CDC42EP5: variants seen among roughly 807,000 people sequenced by gnomAD.
CDC42EP5 encodes CDC42 effector protein 5.
For synonymous variants in CDC42EP5, 118 were observed against 123.3 expected, an observed-to-expected ratio of 0.96 and a Z score of 0.28; for missense variants, 269 against 238.0, an observed-to-expected ratio of 1.13 and a Z score of -0.86.
chr19:54,468,920 C>CTTCCTTCCTTCCTTCCTTCCTTCTTTCT (rs753994637), intron 2 of CDC42EP5, among the ~76,000 whole-genome samples: 35 of 124,010 alleles, frequency 2.8e-4, no homozygotes, highest in Admixed American at 1.4e-3. Context: ...TCCTTCCTTC[C>CTTCCTTCCTTCCTTCCTTCCTTCTTTCT]TTCTTTCTTT....
intron 1 of CDC42EP5, 97 bp from the exon 2 acceptor site, chr19:54,471,782 G>A (rs563586842): frequency 1.3e-4 from 21 of 160,434 alleles, no homozygotes; most frequent in South Asian, 5.3e-4. Context: ...CAGGTCCTAG[G>A]CGTCCTAGAT....
chr19:54,468,717 ATTT>A (rs34177319), intron 2 of CDC42EP5, among the ~76,000 whole-genome samples: 8 of 138,054 alleles, frequency 5.8e-5, no homozygotes, highest in African/African-American at 5.3e-5. Context: ...TTATTTTTGT[ATTT>A]TTTTTTTTTT....
At chr19:54,466,625 C>T (rs2084758615) in intron 2 of CDC42EP5, among the ~76,000 whole-genome samples, 1 of 152,114 alleles carries the variant, frequency 6.6e-6, no homozygotes, top group Non-Finnish European at 1.5e-5. Flanking sequence ...AATTACAGTC[C>T]TTGGTATCTG....
At chr19:54,466,363 G>A (rs1600049002) in intron 2 of CDC42EP5, among the ~76,000 whole-genome samples, 1 of 152,144 alleles carries the variant, frequency 6.6e-6, no homozygotes, top group Admixed American at 6.5e-5. Context: ...CCCCGGAGGC[G>A]GAGGTTGCAG....
At chr19:54,468,552 T>C (rs969544170) in intron 2 of CDC42EP5, among the ~76,000 whole-genome samples, 9 of 152,102 alleles carry the variant, frequency 5.9e-5, no homozygotes, top group African/African-American at 2.2e-4. Context: ...AAACAAGATT[T>C]GTCTTGTTTT....
At chr19:54,469,698 C>A (rs1039353466) in intron 2 of CDC42EP5, among the ~76,000 whole-genome samples, 1 of 152,212 alleles carries the variant, frequency 6.6e-6, no homozygotes, top group African/African-American at 2.4e-5. Flanking sequence ...AGTCACACCT[C>A]GGATCATTCT....
intron 2 of CDC42EP5, among the ~76,000 whole-genome samples, chr19:54,468,928 TTTC>T (rs1374515150): frequency 3.8e-4 from 14 of 36,816 alleles, no homozygotes; most frequent in African/African-American, 1.1e-3. Context: ...TCCTTCTTTC[TTTC>T]TTTTCTTCCC....
intron 2 of CDC42EP5, among the ~76,000 whole-genome samples, chr19:54,468,992 CTTCT>C (rs775478912): frequency 3.5e-4 from 51 of 144,178 alleles, no homozygotes; most frequent in Middle Eastern, 3.6e-3. Context: ...TCCTTCCTTC[CTTCT>C]TTCTTTCTTT....
chr19:54,471,686 C>T lies in CDC42EP5; in HGVS notation c.-141-1G>A, dbSNP rs2084838808. 6.6e-6 allele frequency: 1 copy of T among 152,644 alleles called. No individual in the cohort carries two copies. Among genetic ancestry groups the T allele is most frequent in the South Asian group, 2.1e-4 (1 of 4,846 alleles). The allele number at this position is 152,644 out of a possible 1,614,324, so 9.5% of individuals were successfully genotyped here. ...CTTCTTCCTCCGGGCGGGTTCTCAC[C>T]TGGTAAGGAAAGTGTCATGTGGAAC... is the stretch of plus-strand genomic sequence containing the variant. On this transcript the variant is annotated splice_acceptor_variant, in intron 1 of 2. Coordinates refer to ENST00000301200, the MANE Select transcript of CDC42EP5 (RefSeq NM_145057.4). LOFTEE classifies it low-confidence loss of function (5UTR_SPLICE).
At chr19:54,466,965 G>A (rs981831236) in intron 2 of CDC42EP5, among the ~76,000 whole-genome samples, 1 of 109,360 alleles carries the variant, frequency 9.1e-6, no homozygotes, top group African/African-American at 3.2e-5. Flanking sequence ...GCTAATTTTT[G>A]TATTTTTAGT....
At chr19:54,472,543 T>C (rs115743289) in intron 1 of CDC42EP5, among the ~76,000 whole-genome samples, 3,978 of 9,664 alleles carry the variant, frequency 0.41, 1,115 homozygotes, top group Middle Eastern at 0.69. Flanking sequence ...GGAGTCAAGA[T>C]CCCCCCAGCC....
In CDC42EP5 at chr19:54,465,474, G is replaced by T; in HGVS notation, c.74C>A (p.Ala25Glu). 1.3e-6 allele frequency: 2 copies of T among 1,527,418 alleles called. No homozygotes were observed. Among genetic ancestry groups the T allele is most frequent in the Non-Finnish European group, 1.7e-6 (2 of 1,149,524 alleles). The allele number at this position is 1,527,418 out of a possible 1,614,324, so 94.6% of individuals were successfully genotyped here. ...CGTGTGCCGGAAGTCGCCGAGCGGC[G>T]CGGAGATGGACAGGGCGCCGCGATC... ...RPDRGALSISAPLGDFRHTLH... is the reference protein window; with the variant it reads ...RPDRGALSISEPLGDFRHTLH... The change falls in exon 3 of 3, where the codon GCG (alanine) becomes GAG (glutamate). Residue 25 changes from alanine (A) to glutamate (E), a missense_variant. Ala to Glu is a moderately radical substitution (Grantham distance 107). Coordinates refer to ENST00000301200, the MANE Select transcript of CDC42EP5 (RefSeq NM_145057.4).
At chr19:54,471,750 G>A (rs952592041) in intron 1 of CDC42EP5, 65 bp from the exon 2 acceptor site, 3 of 155,718 alleles carry the variant, frequency 1.9e-5, no homozygotes, top group African/African-American at 7.2e-5. Context: ...CGGGTCCGTA[G>A]AGCCACCTCC....
chr19:54,469,475 T>C (rs958797106), intron 2 of CDC42EP5, among the ~76,000 whole-genome samples: 6 of 152,236 alleles, frequency 3.9e-5, no homozygotes, highest in African/African-American at 1.4e-4. Context: ...AGAAAGTCCA[T>C]TGCACAGGTT....
In CDC42EP5 at chr19:54,465,238, G is replaced by A; in HGVS notation, c.310C>T (p.Leu104=). The A allele has an allele frequency of 7.0e-7, 1 of 1,434,060 alleles. No individual in the cohort carries two copies. The highest frequency in any genetic ancestry group is 9.1e-7 in the Non-Finnish European group (1 of 1,097,212). The allele number at this position is 1,434,060 out of a possible 1,614,324, so 88.8% of individuals were successfully genotyped here. The stretch of plus-strand genomic sequence containing the variant: ...GGGCGCGCCGCGTCCATGACGCCCA[G>A]CACCGCGTCCAGCATGGAGGGCCCC... ...DLGPSMLDAV[L]GVMDAARPEA... is the part of the protein sequence containing the mutation. Residue 104 remains leucine, a synonymous_variant, in exon 3 of 3, where the codon CTG becomes TTG. Coordinates refer to ENST00000301200, the MANE Select transcript of CDC42EP5 (RefSeq NM_145057.4).
At position 54,465,188 on chromosome 19, in the gene CDC42EP5, G is replaced by T; in HGVS notation, c.360C>A (p.Asp120Glu). Residue 120 changes from aspartate to glutamate, a missense_variant, in exon 3 of 3, where the codon GAC (aspartate) becomes GAA (glutamate). By Grantham distance (45) the Asp-to-Glu change is conservative. Coordinates refer to ENST00000301200, the MANE Select transcript of CDC42EP5 (RefSeq NM_145057.4). The stretch of plus-strand genomic sequence containing the variant: ...GCTGCGTCCCGGGGCGGGGTTCCGC[G>T]TCGGGCTTGGCGGCAGCCGCCTCCG... Reference protein sequence around the residue: ...ARPEAAAAKPDAEPRPGTQPP... With the variant: ...ARPEAAAAKPEAEPRPGTQPP... The T allele has an allele frequency of 7.0e-7, 1 of 1,431,502 alleles. No homozygotes were observed. The highest frequency in any genetic ancestry group is 9.1e-7 in the Non-Finnish European group (1 of 1,098,224). 88.7% of individuals were successfully genotyped at this position (1,431,502 alleles called of 1,614,324 possible).
intron 2 of CDC42EP5, among the ~76,000 whole-genome samples, chr19:54,468,052 TAAATA>T (rs2084779386): frequency 6.6e-6 from 1 of 152,194 alleles, no homozygotes; most frequent in Non-Finnish European, 1.5e-5. Context: ...ATCTGTAAGA[TAAATA>T]AAATAACACT....
chr19:54,466,032 T>TG lies in CDC42EP5; in HGVS notation c.1-486dup. Among the ~76,000 whole-genome samples, 2 of 152,222 alleles carry TG rather than the reference T, an allele frequency of 1.3e-5. 1 individual carries two copies. Among genetic ancestry groups the TG allele is most frequent in the East Asian group, 3.9e-4 (2 of 5,186 alleles). The stretch of plus-strand genomic sequence containing the variant: ...ATCTAACCTGACTCCAGAATGCCTA[T>TG]GAACACCATGCTATGCCGATCCTCC... On this transcript the variant is annotated intron_variant, in intron 2 of 2. Transcript: ENST00000301200.
At position 54,465,234 on chromosome 19, in the gene CDC42EP5, C is replaced by T; in HGVS notation, c.314G>A (p.Gly105Asp). The T allele has an allele frequency of 7.0e-7, 1 of 1,434,278 alleles. No individual in the cohort carries two copies. Among genetic ancestry groups the T allele is most frequent in the Non-Finnish European group, 9.1e-7 (1 of 1,097,450 alleles). The allele number at this position is 1,434,278 out of a possible 1,614,324, so 88.8% of individuals were successfully genotyped here. ...LGPSMLDAVL[G>D]VMDAARPEAA... is the part of the protein sequence containing the mutation. The stretch of plus-strand genomic sequence containing the variant: ...CTCCGGGCGCGCCGCGTCCATGACG[C>T]CCAGCACCGCGTCCAGCATGGAGGG... Residue 105 changes from glycine (G) to aspartate (D), a missense_variant, in exon 3 of 3, where the codon GGC becomes GAC. Gly to Asp is a moderately conservative substitution (Grantham distance 94). Coordinates refer to ENST00000301200, the MANE Select transcript of CDC42EP5 (RefSeq NM_145057.4).
Sources: gnomAD v4.1 joint callset for allele counts (sites outside exome capture counted in the v4.1 genomes callset) on GRCh38, gnomAD v4.1.1 for gene constraint, MANE v1.5 for transcripts, NCBI Gene and HGNC (gene_info 2026-07-23, HGNC 2026-07-21) for gene names.